Variants in SGCZ observed in about 807,000 individuals in gnomAD.
SGCZ encodes zeta-sarcoglycan.
In SGCZ, 40 loss-of-function variants were observed where a neutral mutation model predicts 41.3. The observed-to-expected ratio is 0.97, with a 90% CI of 0.75 to 1.26. The LOEUF (loss-of-function observed/expected upper bound fraction) is 1.26. Ranked by LOEUF, SGCZ falls within the 50% of genes most tolerant of loss-of-function variation. SGCZ has a pLI of 0.00. For missense variants in SGCZ, 552 were observed against 369.8 expected (o/e 1.49, Z -4.04); for synonymous variants, 206 against 137.5 (o/e 1.50, Z -3.49).
chr8:15,032,684 A>G (rs1803719179), intron 1 of SGCZ, among the ~76,000 whole-genome samples: 2 of 152,098 alleles, frequency 1.3e-5, no homozygotes, highest in South Asian at 2.1e-4. Context: ...TTGCCAGGTC[A>G]GCCCCCAGAG....
intron 1 of SGCZ, among the ~76,000 whole-genome samples, chr8:15,193,411 G>A (rs899918766): frequency 6.6e-6 from 1 of 151,988 alleles, no homozygotes; most frequent in Non-Finnish European, 1.5e-5. Flanking sequence ...AATATCCTTT[G>A]AGTATTTTCT....
At chr8:14,511,723 T>TTAAA in intron 2 of SGCZ, among the ~76,000 whole-genome samples, 1 of 152,258 alleles carries the variant, frequency 6.6e-6, no homozygotes, top group East Asian at 1.9e-4. Context: ...AATCCTATAA[T>TTAAA]TAAATTAATC....
At chr8:14,472,606 C>T (rs1177476110) in intron 2 of SGCZ, among the ~76,000 whole-genome samples, 1 of 152,040 alleles carries the variant, frequency 6.6e-6, no homozygotes, top group Admixed American at 6.5e-5. Context: ...TTTAAGCGTG[C>T]AGTGGTAAAT....
intron 1 of SGCZ, among the ~76,000 whole-genome samples, chr8:14,784,920 A>AT (rs1178844383): frequency 9.7e-6 from 1 of 102,590 alleles, no homozygotes; most frequent in Non-Finnish European, 1.9e-5. Flanking sequence ...AAAAATATAT[A>AT]TATATATATA....
chr8:14,861,909 T>C (rs190090007), intron 1 of SGCZ, among the ~76,000 whole-genome samples: 243 of 152,216 alleles, frequency 1.6e-3, no homozygotes, highest in African/African-American at 5.3e-3. Context: ...ATACATGTAA[T>C]ACTAACTGAA....
intron 2 of SGCZ, among the ~76,000 whole-genome samples, chr8:14,524,831 G>GT (rs147569673): frequency 0.018 from 2,697 of 151,588 alleles, 42 homozygotes; most frequent in East Asian, 0.081. Flanking sequence ...TCTCCTTTTT[G>GT]TTTTTTTTAA....
At chr8:14,940,248 T>G (rs1450244433) in intron 1 of SGCZ, among the ~76,000 whole-genome samples, 1 of 152,158 alleles carries the variant, frequency 6.6e-6, no homozygotes, top group East Asian at 1.9e-4. Flanking sequence ...AGCAGTAACA[T>G]GCCCACATTT....
chr8:14,567,209 G>A (rs1455140553), intron 1 of SGCZ, among the ~76,000 whole-genome samples: 11 of 152,204 alleles, frequency 7.2e-5, no homozygotes, highest in Admixed American at 6.5e-4. Context: ...TCGCCCAAGG[G>A]CTGAGGAGTG....
At chr8:14,555,818 A>G (rs1249578596) in intron 1 of SGCZ, among the ~76,000 whole-genome samples, 1 of 152,084 alleles carries the variant, frequency 6.6e-6, no homozygotes, top group Non-Finnish European at 1.5e-5. Flanking sequence ...AAGAAAATTC[A>G]CATTTGTGCA....
chr8:15,215,637 T>C (rs1363533433), intron 1 of SGCZ, among the ~76,000 whole-genome samples: 1 of 152,148 alleles, frequency 6.6e-6, no homozygotes, highest in Admixed American at 6.5e-5. Context: ...GTAAATACAA[T>C]CTTTCCTAGT....
chr8:15,124,026 A>G (rs1478040024), intron 1 of SGCZ, among the ~76,000 whole-genome samples: 3 of 152,198 alleles, frequency 2.0e-5, no homozygotes, highest in Non-Finnish European at 4.4e-5. Context: ...TTGCTAGTAA[A>G]ATTACAATTT....
chr8:14,256,036 CT>C (rs1799452508), intron 3 of SGCZ, among the ~76,000 whole-genome samples: 1 of 152,068 alleles, frequency 6.6e-6, no homozygotes, highest in South Asian at 2.1e-4. Context: ...TTTAGTAAAA[CT>C]AAGTGATTGC....
chr8:15,026,259 T>A (rs982719836), intron 1 of SGCZ, among the ~76,000 whole-genome samples: 2 of 152,162 alleles, frequency 1.3e-5, no homozygotes, highest in African/African-American at 2.4e-5. Flanking sequence ...ATGTGTTCAA[T>A]CTACTTCCTG....
chr8:14,379,476 A>G (rs544611176), intron 2 of SGCZ, among the ~76,000 whole-genome samples: 50 of 152,278 alleles, frequency 3.3e-4, no homozygotes, highest in African/African-American at 1.2e-3. Context: ...CACAGGTATA[A>G]TCTTGGGCAA....
intron 1 of SGCZ, among the ~76,000 whole-genome samples, chr8:14,727,734 G>C (rs965452577): frequency 2.0e-5 from 3 of 151,918 alleles, no homozygotes; most frequent in African/African-American, 7.2e-5. Flanking sequence ...GGATGGTCTC[G>C]ATCTCCTGAC....
intron 4 of SGCZ, among the ~76,000 whole-genome samples, chr8:14,219,362 A>G (rs917177815): frequency 2.0e-5 from 3 of 152,188 alleles, no homozygotes; most frequent in Admixed American, 1.3e-4. Context: ...TGCAACAAAA[A>G]CTGCAATGCC....
intron 1 of SGCZ, among the ~76,000 whole-genome samples, chr8:15,230,493 T>C (rs1331652682): frequency 6.6e-6 from 1 of 152,246 alleles, no homozygotes; most frequent in Non-Finnish European, 1.5e-5. Flanking sequence ...GAGAAGATAA[T>C]ATTCAGCAGA....
At chr8:14,791,217 C>G (rs527479396) in intron 1 of SGCZ, among the ~76,000 whole-genome samples, 23 of 151,986 alleles carry the variant, frequency 1.5e-4, no homozygotes, top group African/African-American at 5.3e-4. Context: ...AACTCTAATA[C>G]CACATCCTTT....
chr8:14,787,317 T>C (rs996663605), intron 1 of SGCZ, among the ~76,000 whole-genome samples: 1 of 152,024 alleles, frequency 6.6e-6, no homozygotes, highest in Non-Finnish European at 1.5e-5. Context: ...CCCAAACTTA[T>C]ATATGGGAGG....
Sources: allele counts gnomAD v4.1 joint callset (sites outside exome capture counted in the v4.1 genomes callset), GRCh38; gene constraint gnomAD v4.1.1; transcripts MANE v1.5; gene names NCBI Gene and HGNC (gene_info 2026-07-23, HGNC 2026-07-21).